EPB41: variants seen among roughly 807,000 people sequenced by gnomAD.
EPB41 encodes erythrocyte membrane protein band 4.1.
A neutral mutation model predicts 108.0 loss-of-function variants in EPB41; 65 were observed. That is an observed-to-expected ratio of 0.60 (90% CI 0.49 to 0.74). The LOEUF is 0.74. Ranked by LOEUF, EPB41 falls within the 30% of genes least tolerant of loss-of-function variation. The pLI, the probability that EPB41 is intolerant of heterozygous loss-of-function variation, is 0.00. For synonymous variants in EPB41, 336 were observed against 358.9 expected, an observed-to-expected ratio of 0.94 and a Z score of 0.72; for missense variants, 875 against 1,037.0, an observed-to-expected ratio of 0.84 and a Z score of 2.15.
chr1:29,091,702 G>A (rs959232463), intron 16 of EPB41, among the ~76,000 whole-genome samples: 2 of 152,160 alleles, frequency 1.3e-5, no homozygotes, highest in African/African-American at 4.8e-5. Context: ...TTCTTGTCAA[G>A]AATAATTGCT....
intron 1 of EPB41, among the ~76,000 whole-genome samples, chr1:28,915,651 A>T (rs1311426148): frequency 6.7e-6 from 1 of 149,232 alleles, no homozygotes; most frequent in Non-Finnish European, 1.5e-5. Context: ...ATAAATGACT[A>T]GTCTGTGGAG....
chr1:29,096,081 T>G, intron 16 of EPB41: 1 of 895,242 alleles, frequency 1.1e-6, no homozygotes, highest in Non-Finnish European at 1.3e-6. Context: ...CCAAAAATCA[T>G]TGTTGATTCT....
intron 11 of EPB41, among the ~76,000 whole-genome samples, chr1:29,045,863 C>G (rs1643029287): frequency 2.0e-5 from 3 of 148,868 alleles, no homozygotes; most frequent in Admixed American, 2.0e-4. Context: ...GTGGTCCCAA[C>G]TACATGGAAG....
intron 7 of EPB41, among the ~76,000 whole-genome samples, chr1:29,027,394 C>T (rs1253076763): frequency 6.6e-6 from 1 of 150,850 alleles, no homozygotes; most frequent in Non-Finnish European, 1.5e-5. Flanking sequence ...TGCAATGGCG[C>T]AATCTCGGCT....
At chr1:28,905,481 G>A (rs1376206743) in intron 1 of EPB41, among the ~76,000 whole-genome samples, 3 of 150,784 alleles carry the variant, frequency 2.0e-5, no homozygotes, top group Admixed American at 6.6e-5. Flanking sequence ...GGGCGACAGA[G>A]GAAGACTATG....
At chr1:29,076,124 G>C (rs1157592334) in intron 16 of EPB41, among the ~76,000 whole-genome samples, 2 of 152,108 alleles carry the variant, frequency 1.3e-5, no homozygotes, top group Non-Finnish European at 2.9e-5. Context: ...CATACTTAAA[G>C]GTAACTCTCA....
chr1:28,887,485 C>T lies in EPB41; in HGVS notation c.-8+275C>T. 1.0e-6 allele frequency: 1 copy of T among 985,160 alleles called. No homozygotes were observed. The highest frequency in any genetic ancestry group is 4.7e-5 in the South Asian group (1 of 21,292). 61.0% of individuals were successfully genotyped at this position (985,160 alleles called of 1,614,324 possible). On this transcript the variant is annotated intron_variant, in intron 1 of 16. Transcript: ENST00000347529. This position sits in a 1 kb window ranked among gnomAD's most constrained non-coding sequence, Gnocchi z 4.9. ...GATCCGGAGCTAGACACGTCCGGGT[C>T]CGGCCGGTCCTGGCTGTCTGGGGCG...
At chr1:28,978,368 A>T (rs1325337567) in intron 1 of EPB41, among the ~76,000 whole-genome samples, 1 of 151,544 alleles carries the variant, frequency 6.6e-6, no homozygotes, top group Non-Finnish European at 1.5e-5. Context: ...CTGAATCCTA[A>T]ATCCCTGAAG....
At chr1:28,952,988 C>T (rs1309005112) in intron 1 of EPB41, among the ~76,000 whole-genome samples, 2 of 152,148 alleles carry the variant, frequency 1.3e-5, no homozygotes, top group East Asian at 3.9e-4. Flanking sequence ...CTCGGCCTCC[C>T]AAAGTGCCGG....
chr1:29,004,765 C>T (rs1345323856), intron 4 of EPB41, among the ~76,000 whole-genome samples: 1 of 152,064 alleles, frequency 6.6e-6, no homozygotes, highest in Non-Finnish European at 1.5e-5. Context: ...CCTAGAATTA[C>T]CTGTGCTCTA....
At chr1:28,983,050 A>T (rs942469354) in intron 1 of EPB41, among the ~76,000 whole-genome samples, 9 of 152,158 alleles carry the variant, frequency 5.9e-5, no homozygotes, top group African/African-American at 2.2e-4. Flanking sequence ...CCTAATCATT[A>T]CTTCCTAAAT....
intron 1 of EPB41, chr1:28,982,292 T>C: frequency 1.8e-6 from 1 of 565,726 alleles, no homozygotes. Context: ...AACCACAGCT[T>C]CTGGAAGAAC....
At chr1:28,908,900 T>C (rs1288644271) in intron 1 of EPB41, among the ~76,000 whole-genome samples, 1 of 151,252 alleles carries the variant, frequency 6.6e-6, no homozygotes, top group Non-Finnish European at 1.5e-5. Context: ...TGGTGGCTCA[T>C]GACTGTAATC....
intron 1 of EPB41, among the ~76,000 whole-genome samples, chr1:28,916,244 A>G (rs1359271278): frequency 6.6e-6 from 1 of 152,220 alleles, no homozygotes; most frequent in Non-Finnish European, 1.5e-5. Flanking sequence ...CAAAGTAGTT[A>G]ATTCAGTGTG....
intron 1 of EPB41, among the ~76,000 whole-genome samples, chr1:28,903,409 C>T (rs1410356545): frequency 1.2e-4 from 18 of 151,162 alleles, no homozygotes; most frequent in African/African-American, 4.4e-4. Context: ...ACTGCAACCT[C>T]CGCCTCCTGG....
At chr1:29,080,161 C>T (rs1368576333) in intron 16 of EPB41, among the ~76,000 whole-genome samples, 1 of 151,046 alleles carries the variant, frequency 6.6e-6, no homozygotes, top group African/African-American at 2.4e-5. Context: ...TTCTGTAGCC[C>T]AGGCCAAAGT....
chr1:28,956,185 A>G (rs2094942028), intron 1 of EPB41, among the ~76,000 whole-genome samples: 1 of 152,208 alleles, frequency 6.6e-6, no homozygotes, highest in African/African-American at 2.4e-5. Context: ...AAATATTCCT[A>G]ATTCGCTAGG....
chr1:28,951,082 G>C (rs2094700666), intron 1 of EPB41, among the ~76,000 whole-genome samples: 1 of 152,110 alleles, frequency 6.6e-6, no homozygotes, highest in Non-Finnish European at 1.5e-5. Context: ...TGATCCGCCT[G>C]CCTCAGCCTC....
intron 1 of EPB41, among the ~76,000 whole-genome samples, chr1:28,963,852 G>T (rs1025477130): frequency 1.3e-5 from 2 of 152,110 alleles, no homozygotes; most frequent in African/African-American, 4.8e-5. Context: ...AACTATTTTG[G>T]ATATCCCATA....
Sources: allele counts gnomAD v4.1 joint callset (sites outside exome capture counted in the v4.1 genomes callset), GRCh38; gene constraint gnomAD v4.1.1; non-coding constraint Gnocchi (gnomAD v3.1); transcripts MANE v1.5; gene names NCBI Gene and HGNC (gene_info 2026-07-23, HGNC 2026-07-21).